The following AKAP6 variants were observed in gnomAD, a reference collection of about 807,000 sequenced individuals.
The protein encoded by AKAP6 is A-kinase anchoring protein 6, also known as A-kinase anchor protein 6.
Under a neutral mutation model 188.5 loss-of-function variants are expected in AKAP6, and 58 were observed. The observed-to-expected ratio is 0.31, with a 90% confidence interval of 0.25 to 0.38. AKAP6 has a LOEUF of 0.38. Among genes scored for constraint, AKAP6 ranks in the 10% least tolerant of loss-of-function variants. The probability of loss-of-function intolerance (pLI) is 1.00; values close to 1 mark genes in which losing one functional copy is unlikely to be tolerated. For synonymous variants in AKAP6, 989 were observed against 998.6 expected (o/e 0.99, Z 0.18); for missense variants, 2,710 against 2,740.0 (o/e 0.99, Z 0.24).
intron 1 of AKAP6, chr14:32,403,095 G>A (rs1007036514): frequency 1.3e-5 from 2 of 152,176 alleles, no homozygotes; most frequent in African/African-American, 4.8e-5. Context: ...CATCCAAGAA[G>A]AGGGTTTTCT....
intron 2 of AKAP6, among the ~76,000 whole-genome samples, chr14:32,455,230 A>T (rs1891113826): frequency 6.6e-6 from 1 of 151,982 alleles, no homozygotes; most frequent in South Asian, 2.1e-4. Context: ...GGCCTCCCAA[A>T]GTGCTGGGAT....
intron 4 of AKAP6, among the ~76,000 whole-genome samples, chr14:32,567,205 G>A (rs1445617521): frequency 6.6e-6 from 1 of 152,176 alleles, no homozygotes; most frequent in African/African-American, 2.4e-5. Context: ...ACAGGCATGA[G>A]CCACCGTGCC....
chr14:32,794,242 G>T (rs1314278804), intron 12 of AKAP6, among the ~76,000 whole-genome samples: 1 of 152,128 alleles, frequency 6.6e-6, no homozygotes, highest in Non-Finnish European at 1.5e-5. Flanking sequence ...AATGACTCGG[G>T]TAAATAATTA....
intron 7 of AKAP6, among the ~76,000 whole-genome samples, chr14:32,608,918 AAAAG>A (rs1163825555): frequency 1.3e-5 from 2 of 150,504 alleles, no homozygotes; most frequent in African/African-American, 4.9e-5. Context: ...TAAGCACAAA[AAAAG>A]AAGGCAAAAT....
rs1323965928 is a variant in AKAP6, at chr14:32,568,319, C to A, written c.2347-8801C>A. On this transcript the variant is annotated intron_variant, in intron 4 of 13. Coordinates refer to ENST00000280979, the MANE Select transcript of AKAP6 (RefSeq NM_004274.5). The surrounding 1 kb of genome is among the most constrained non-coding windows in gnomAD (Gnocchi z 6.2). ...AATAACCACTTAATAGCTATAGGAC[C>A]TTAAATAAATTACATAACTTCTCTA... Among the ~76,000 whole-genome samples, 3 of 152,086 alleles carry A rather than the reference C, an allele frequency of 2.0e-5. No individual in the cohort carries two copies.
chr14:32,616,242 G>C (rs11845587), intron 7 of AKAP6, among the ~76,000 whole-genome samples: 6,329 of 152,112 alleles, frequency 0.042, 459 homozygotes, highest in African/African-American at 0.14. Context: ...CCCAGCAATC[G>C]CATTACTGGG....
chr14:32,829,616 T>TAA (rs1341974444), intron 13 of AKAP6, among the ~76,000 whole-genome samples: 18 of 96,774 alleles, frequency 1.9e-4, no homozygotes, highest in African/African-American at 8.7e-4. Context: ...CCACGTCTTT[T>TAA]TAAAAAAAAA....
chr14:32,646,666 T>C (rs1470386363), intron 7 of AKAP6, among the ~76,000 whole-genome samples: 1 of 152,170 alleles, frequency 6.6e-6, no homozygotes, highest in African/African-American at 2.4e-5. Flanking sequence ...TGTGTTATCT[T>C]CCCTAGGGAA....
rs140963047 is a variant in AKAP6 at position 32,551,310 on chromosome 14, G to A, written c.2346+4311G>A. Among the ~76,000 whole-genome samples, 881 of 152,200 alleles carry A rather than the reference G, an allele frequency of 5.8e-3. 41 individuals carry two copies. The East Asian group carries it at 0.1, about 18-fold the overall frequency. On this transcript the variant is annotated intron_variant, in intron 4 of 13. Coordinates refer to ENST00000280979, the MANE Select transcript of AKAP6 (RefSeq NM_004274.5). The stretch of plus-strand genomic sequence containing the variant: ...AACCCAGCTGGGCGCCGTGGCTCAT[G>A]CCTGTAATCCCAGCACTTTGGGAGG...
At chr14:32,555,703 T>C (rs1340584927) in intron 4 of AKAP6, among the ~76,000 whole-genome samples, 8 of 152,222 alleles carry the variant, frequency 5.3e-5, no homozygotes, top group African/African-American at 1.9e-4. Context: ...AGTATTTTTC[T>C]TTTTGTGACT....
Position 32,735,769 on chromosome 14 carries a change from A to T in AKAP6, c.3259A>T (p.Ile1087Phe). The change falls in exon 11 of 14, where the codon ATC (isoleucine) becomes TTC (phenylalanine). Residue 1087 changes from isoleucine (I) to phenylalanine (F), a missense_variant. Physicochemically the swap from Ile to Phe is conservative, Grantham distance 21. Coordinates refer to ENST00000280979, the MANE Select transcript of AKAP6 (RefSeq NM_004274.5). ...CCTGGTAAGGCAGCTGGAGGTCAGG[A>T]TCAAAGAACTGAAAGGATGGCTAAG... is the stretch of plus-strand genomic sequence containing the variant. ...GSLVRQLEVRIKELKGWLRDT... is the reference protein window; with the variant it reads ...GSLVRQLEVRFKELKGWLRDT... 6.2e-7 allele frequency: 1 copy of T among 1,613,628 alleles called. No individual in the cohort carries two copies. Among genetic ancestry groups the T allele is most frequent in the Non-Finnish European group, 8.5e-7 (1 of 1,179,766 alleles).
intron 2 of AKAP6, among the ~76,000 whole-genome samples, chr14:32,530,004 C>T (rs1483900677): frequency 2.1e-5 from 1 of 47,816 alleles, no homozygotes; most frequent in Non-Finnish European, 3.9e-5. Context: ...CAGGTTCTTG[C>T]TTTAAGACAG....
intron 7 of AKAP6, among the ~76,000 whole-genome samples, chr14:32,664,613 C>T (rs1187626314): frequency 6.6e-6 from 1 of 152,134 alleles, no homozygotes; most frequent in African/African-American, 2.4e-5. Context: ...TATTCACATT[C>T]ATCATACACG....
chr14:32,394,034 C>A (rs144977662), intron 1 of AKAP6, among the ~76,000 whole-genome samples: 131 of 152,230 alleles, frequency 8.6e-4, no homozygotes, highest in African/African-American at 3.1e-3. Context: ...TCATCAAATG[C>A]TCTCACCTAC....
chr14:32,336,601 T>C (rs1886710728), intron 1 of AKAP6, among the ~76,000 whole-genome samples: 1 of 152,148 alleles, frequency 6.6e-6, no homozygotes, highest in Non-Finnish European at 1.5e-5. Flanking sequence ...TCATGATTAG[T>C]TCTTCCTTTT....
intron 2 of AKAP6, among the ~76,000 whole-genome samples, chr14:32,489,923 T>C (rs10130278): frequency 0.67 from 102,244 of 152,126 alleles, 35,848 homozygotes; most frequent in East Asian, 0.89. Flanking sequence ...GGGCTAAGTC[T>C]GAAAAGAGAG....
At chr14:32,724,583 A>C (rs975077642) in intron 9 of AKAP6, among the ~76,000 whole-genome samples, 1 of 152,312 alleles carries the variant, frequency 6.6e-6, no homozygotes, top group Admixed American at 6.5e-5. Context: ...TTGAATTTCT[A>C]TACAAGTTGA....
Position 32,330,500 on chromosome 14 carries a change from G to C in AKAP6, c.-35+1092G>C, listed in dbSNP as rs1886497225. ...ATTGCTACTAGGGGAGAGAAAGGAG[G>C]AGGCACATGTCAGTTCAATTGATCA... On this transcript the variant is annotated intron_variant, in intron 1 of 13. Coordinates refer to ENST00000280979, the MANE Select transcript of AKAP6 (RefSeq NM_004274.5). Among the ~76,000 whole-genome samples, 3 of 151,994 alleles carry C rather than the reference G, an allele frequency of 2.0e-5. No individual in the cohort carries two copies. The South Asian group carries it at 6.2e-4, about 32-fold the overall frequency.
chr14:32,342,195 A>G (rs1015366762), intron 1 of AKAP6, among the ~76,000 whole-genome samples: 1 of 152,154 alleles, frequency 6.6e-6, no homozygotes, highest in Admixed American at 6.5e-5. Context: ...ATTTTCTCCC[A>G]GATTCAGACT....
Sources: gnomAD v4.1 joint callset for allele counts (sites outside exome capture counted in the v4.1 genomes callset) on GRCh38, gnomAD v4.1.1 for gene constraint, Gnocchi (gnomAD v3.1) non-coding constraint, MANE v1.5 for transcripts, NCBI Gene and HGNC (gene_info 2026-07-23, HGNC 2026-07-21) for gene names.